NRG3: variants seen among roughly 807,000 people sequenced by gnomAD.
NRG3 encodes the protein neuregulin 3, also known as pro-neuregulin-3, membrane-bound isoform.
In NRG3, 31 loss-of-function variants were observed where a neutral mutation model predicts 66.9. The observed-to-expected ratio is 0.46, with a 90% CI of 0.35 to 0.63. The LOEUF (loss-of-function observed/expected upper bound fraction) is 0.63. Among genes scored for constraint, NRG3 ranks in the 20% least tolerant of loss-of-function variants. The pLI, the probability that NRG3 is intolerant of heterozygous loss-of-function variation, is 0.00. For missense variants in NRG3, 910 were observed against 878.9 expected, an observed-to-expected ratio of 1.04 and a Z score of -0.45; for synonymous variants, 393 against 359.4, an observed-to-expected ratio of 1.09 and a Z score of -1.06.
rs187729740 is a variant in NRG3 at position 82,727,164 on chromosome 10, A to G, written c.954-11413A>G. Among the ~76,000 whole-genome samples, 47 of 152,348 alleles carry G rather than the reference A, an allele frequency of 3.1e-4. No homozygotes were observed. The South Asian group carries it at 7.0e-3, about 23-fold the overall frequency. On this transcript the variant is annotated intron_variant, in intron 2 of 8. Transcript: ENST00000372141. ...ATTTGCAGCCTGACAATGTGATAGA[A>G]AAGAAAATTCAATTTTCTGAGGAGA...
intron 3 of NRG3, among the ~76,000 whole-genome samples, chr10:82,849,283 A>G (rs1215899731): frequency 6.6e-6 from 1 of 152,170 alleles, no homozygotes; most frequent in African/African-American, 2.4e-5. Context: ...GTGACATAGG[A>G]CAGATTCTGC....
In NRG3 at chr10:82,985,546, C is replaced by T. The variant is rs138936665; in HGVS notation, c.2032C>T (p.Arg678Ter). 1.3e-4 allele frequency: 205 copies of T among 1,613,908 alleles called. No homozygotes were observed. Among genetic ancestry groups the T allele is most frequent in the Middle Eastern group, 4.9e-4 (3 of 6,062 alleles). Reference sequence around the variant, plus strand: ...CCTGAGTCCCACAGCCAAATCAGAACGAGAGGCGCAATTTGTCTTAAGAAA... The same window carrying T: ...CCTGAGTCCCACAGCCAAATCAGAATGAGAGGCGCAATTTGTCTTAAGAAA... ...LPLSPTAKSE[R>*]EAQFVLRNEI... The change falls in exon 9 of 9, where the codon CGA (arginine) becomes TGA (stop). Residue 678 changes from arginine (R) to a stop codon, truncating the protein, a stop_gained. Transcript: ENST00000372141. LOFTEE classifies it high-confidence loss of function.
chr10:82,848,958 T>C (rs2063435994), intron 3 of NRG3, among the ~76,000 whole-genome samples: 1 of 152,160 alleles, frequency 6.6e-6, no homozygotes, highest in Admixed American at 6.5e-5. Context: ...TAAACCTCTT[T>C]TTCTTTATAA....
rs146578620 is a variant in NRG3, at chr10:82,688,367, T to G, written c.954-50210T>G. Among the ~76,000 whole-genome samples the G allele has an allele frequency of 5.1e-3, 779 of 152,324 alleles. 4 individuals carry two copies. The highest frequency in any genetic ancestry group is 0.018 in the African/African-American group (739 of 41,576). On this transcript the variant is annotated intron_variant, in intron 2 of 8. Transcript: ENST00000372141. ...TGGCAGGTACCTAATCGATGTTTGT[T>G]AAAGTGTTTTGGATGGAGAATCACT...
intron 3 of NRG3, among the ~76,000 whole-genome samples, chr10:82,858,942 C>CTTTT (rs534067829): frequency 0.082 from 10,163 of 123,840 alleles, 564 homozygotes; most frequent in South Asian, 0.12. Flanking sequence ...AGTAGTCTAA[C>CTTTT]TTTTTTTTTT....
chr10:82,019,590 T>C (rs1198508171), intron 1 of NRG3, among the ~76,000 whole-genome samples: 1 of 152,184 alleles, frequency 6.6e-6, no homozygotes, highest in Non-Finnish European at 1.5e-5. Flanking sequence ...GTTGGTAAGC[T>C]ATTAATTATT....
intron 2 of NRG3, among the ~76,000 whole-genome samples, chr10:82,558,129 T>C (rs564825955): frequency 6.6e-6 from 1 of 152,274 alleles, no homozygotes; most frequent in Non-Finnish European, 1.5e-5. Context: ...CATTGCAAAT[T>C]GCAGAAACAA....
chr10:82,028,638 C>A (rs1359004486), intron 1 of NRG3, among the ~76,000 whole-genome samples: 3 of 152,016 alleles, frequency 2.0e-5, no homozygotes, highest in African/African-American at 7.2e-5. Context: ...AACATTCTGC[C>A]CTCAGATCAG....
chr10:81,987,342 C>T (rs919641283), intron 1 of NRG3, among the ~76,000 whole-genome samples: 1 of 152,210 alleles, frequency 6.6e-6, no homozygotes, highest in African/African-American at 2.4e-5. Flanking sequence ...GCTTCAGCCT[C>T]CCAAAGTTCT....
intron 1 of NRG3, among the ~76,000 whole-genome samples, chr10:82,294,508 G>T (rs532935468): frequency 6.2e-4 from 94 of 151,966 alleles, no homozygotes; most frequent in African/African-American, 2.1e-3. Context: ...ACAGTCATAT[G>T]CCACCTGCCA....
intron 1 of NRG3, among the ~76,000 whole-genome samples, chr10:82,303,382 C>T (rs2080524230): frequency 6.6e-6 from 1 of 151,906 alleles, no homozygotes; most frequent in Non-Finnish European, 1.5e-5. Flanking sequence ...ACCTACCACT[C>T]TTCCCCCTTA....
chr10:82,774,117 G>A (rs1459834558), intron 3 of NRG3, among the ~76,000 whole-genome samples: 4 of 152,120 alleles, frequency 2.6e-5, no homozygotes, highest in Non-Finnish European at 5.9e-5. Context: ...GTTTCATTGA[G>A]TATTGTTACA....
intron 2 of NRG3, among the ~76,000 whole-genome samples, chr10:82,421,550 G>T (rs1352025170): frequency 6.6e-6 from 1 of 152,124 alleles, no homozygotes; most frequent in African/African-American, 2.4e-5. Context: ...CCCAGCAGAT[G>T]TAGGGCTGAA....
chr10:81,878,134 C>A, intron 1 of NRG3: 1 of 1,457,766 alleles, frequency 6.9e-7, no homozygotes, highest in Non-Finnish European at 9.0e-7. Flanking sequence ...TTCCTACATT[C>A]CGTGGACGGG....
At chr10:82,674,928 G>A (rs1283008078) in intron 2 of NRG3, among the ~76,000 whole-genome samples, 1 of 141,916 alleles carries the variant, frequency 7.0e-6, no homozygotes, top group Non-Finnish European at 1.5e-5. Flanking sequence ...AGATTAGGGG[G>A]TTTTATTTAT....
intron 2 of NRG3, among the ~76,000 whole-genome samples, chr10:82,688,262 G>A (rs1398042868): frequency 6.6e-6 from 1 of 152,142 alleles, no homozygotes; most frequent in Non-Finnish European, 1.5e-5. Flanking sequence ...GTACTTACAT[G>A]TCTAATCTGC....
At chr10:81,976,159 C>T (rs2060118488) in intron 1 of NRG3, among the ~76,000 whole-genome samples, 1 of 152,100 alleles carries the variant, frequency 6.6e-6, no homozygotes, top group African/African-American at 2.4e-5. Flanking sequence ...AACTAATATA[C>T]CCACTTGAGG....
chr10:82,188,555 A>T (rs1167158058), intron 1 of NRG3, among the ~76,000 whole-genome samples: 1 of 152,174 alleles, frequency 6.6e-6, no homozygotes, highest in African/African-American at 2.4e-5. Flanking sequence ...TACTCATCTG[A>T]CAAGGAATCG....
Position 82,238,327 on chromosome 10 carries a change from GA to G in NRG3, c.824-120402del, listed in dbSNP as rs369873851. On this transcript the variant is annotated intron_variant, in intron 1 of 8. Coordinates refer to ENST00000372141, the MANE Select transcript of NRG3 (RefSeq NM_001010848.4). ...TGCCTGTTCTAAAAAAGCTTAAAAA[GA>G]AAAAAAAAAGTCCTTACTGAGTATA... Among the ~76,000 whole-genome samples the G allele has an allele frequency of 1.7e-4, 24 of 145,198 alleles. No homozygotes were observed. The East Asian group carries it at 1.8e-3, about 11-fold the overall frequency.
Sources: allele counts gnomAD v4.1 joint callset (sites outside exome capture counted in the v4.1 genomes callset), GRCh38; gene constraint gnomAD v4.1.1; transcripts MANE v1.5; gene names NCBI Gene and HGNC (gene_info 2026-07-23, HGNC 2026-07-21).